Variants in RBM46 observed in about 807,000 individuals in gnomAD.
RBM46 encodes the protein RNA binding motif protein 46.
In RBM46, 12 loss-of-function variants were observed where a neutral mutation model predicts 43.3. The ratio of observed to expected loss-of-function variants is 0.28; its 90% CI spans 0.18 to 0.45. The LOEUF is 0.45. RBM46 is among the 20% of genes least tolerant of loss of function. The probability of loss-of-function intolerance (pLI) is 1.00; values close to 1 mark genes in which losing one functional copy is unlikely to be tolerated. For missense variants in RBM46, 412 were observed against 639.1 expected (o/e 0.64, Z 3.83); for synonymous variants, 205 against 207.6 (o/e 0.99, Z 0.11).
Position 154,828,333 on chromosome 4 carries a change from C to G in RBM46, c.*266C>G. On this transcript the variant is annotated 3_prime_UTR_variant, in exon 5 of 5. Transcript: ENST00000281722. ...CTTTTTAAACTTCTAGGATTTTCTTCTACTTTCTGAGTGGGCAATAGAACC... is the reference window on the plus strand; with the variant it reads ...CTTTTTAAACTTCTAGGATTTTCTTGTACTTTCTGAGTGGGCAATAGAACC... 1 of 328,612 alleles carries G rather than the reference C, an allele frequency of 3.0e-6. No individual in the cohort carries two copies. Among genetic ancestry groups the G allele is most frequent in the Non-Finnish European group, 5.5e-6 (1 of 181,044 alleles). 20.4% of individuals were successfully genotyped at this position (328,612 alleles called of 1,614,324 possible). A position where few individuals can be genotyped will look rare whatever the true frequency, so the allele number is the denominator to read the frequency against.
chr4:154,785,934 T>C (rs1173021725), intron 1 of RBM46, among the ~76,000 whole-genome samples: 1 of 152,194 alleles, frequency 6.6e-6, no homozygotes, highest in Admixed American at 6.5e-5. Flanking sequence ...CTACAAAATA[T>C]TCAGTGATGG....
At chr4:154,784,904 G>A (rs777229542) in intron 1 of RBM46, among the ~76,000 whole-genome samples, 6 of 152,190 alleles carry the variant, frequency 3.9e-5, no homozygotes, top group Admixed American at 6.5e-5. Context: ...TGATTCTGGA[G>A]TATTTTAGAA....
chr4:154,810,190 A>G (rs1735109169), intron 4 of RBM46, among the ~76,000 whole-genome samples: 1 of 152,122 alleles, frequency 6.6e-6, no homozygotes, highest in Non-Finnish European at 1.5e-5. Context: ...AAGCCAGCCA[A>G]GGGTGAGAAC....
rs1440182561 is a variant in RBM46 at position 154,785,712 on chromosome 4, C to T, written c.-12+4276C>T. On this transcript the variant is annotated intron_variant, in intron 1 of 4. Coordinates refer to ENST00000281722, the MANE Select transcript of RBM46 (RefSeq NM_144979.5). The stretch of plus-strand genomic sequence containing the variant: ...TAGTGTAGTGGGCCAGTATGATGTC[C>T]TGTGGGATGTCGAGGCCATTGAAGA... Among the ~76,000 whole-genome samples the T allele has an allele frequency of 2.0e-5, 3 of 152,140 alleles. No individual in the cohort carries two copies. In the East Asian group the frequency reaches 5.8e-4, roughly 29 times the overall value.
chr4:154,804,213 T>C (rs1270384371), intron 4 of RBM46, among the ~76,000 whole-genome samples: 1 of 152,220 alleles, frequency 6.6e-6, no homozygotes, highest in Admixed American at 6.5e-5. Context: ...TTTATAGCAG[T>C]GCAAGAATGA....
intron 4 of RBM46, among the ~76,000 whole-genome samples, chr4:154,822,028 G>A (rs1231997553): frequency 6.6e-6 from 1 of 151,722 alleles, no homozygotes; most frequent in African/African-American, 2.4e-5. Flanking sequence ...TGTAGTTTGG[G>A]AAATACTGAA....
intron 1 of RBM46, among the ~76,000 whole-genome samples, chr4:154,793,759 C>T (rs531806029): frequency 6.6e-6 from 1 of 152,132 alleles, no homozygotes; most frequent in African/African-American, 2.4e-5. Flanking sequence ...AAGCTGGATT[C>T]TCTTGTATTA....
intron 2 of RBM46, 38 bp from the exon 3 acceptor site, chr4:154,797,772 CA>C: frequency 1.5e-6 from 2 of 1,322,380 alleles, no homozygotes; most frequent in Non-Finnish European, 2.1e-6. Context: ...TACAAATATC[CA>C]ATTAGAATTT....
chr4:154,798,416 A>G (rs922848098), intron 3 of RBM46, 138 bp downstream of exon 3: 1 of 613,096 alleles, frequency 1.6e-6, no homozygotes, highest in Non-Finnish European at 2.7e-6. Context: ...GAAGTAAAAT[A>G]AATTACATGA....
intron 4 of RBM46, among the ~76,000 whole-genome samples, chr4:154,810,615 A>C (rs2111177182): frequency 6.6e-6 from 1 of 152,324 alleles, no homozygotes; most frequent in South Asian, 2.1e-4. Context: ...GCTTAATATA[A>C]GTCAGAACTA....
At chr4:154,807,550 C>G (rs1433388116) in intron 4 of RBM46, among the ~76,000 whole-genome samples, 2 of 151,824 alleles carry the variant, frequency 1.3e-5, no homozygotes, top group South Asian at 2.1e-4. Context: ...ATGCTTTTAA[C>G]TACTTTAAAA....
intron 1 of RBM46, among the ~76,000 whole-genome samples, chr4:154,793,354 C>G (rs190246918): frequency 6.6e-6 from 1 of 152,186 alleles, no homozygotes; most frequent in East Asian, 1.9e-4. Context: ...TATACTCTTG[C>G]AGTTATATCT....
rs556449570 is a variant in RBM46 at position 154,820,046 on chromosome 4, T to G, written c.1403-7822T>G. Among the ~76,000 whole-genome samples the G allele has an allele frequency of 5.3e-5, 8 of 152,240 alleles. No individual in the cohort carries two copies. The East Asian group carries it at 1.3e-3, about 26-fold the overall frequency. ...CAGAAATTGGGTGATCTCATTTGTT[T>G]TTAGAGTCTCTTCTTTATCTTAGCA... On this transcript the variant is annotated intron_variant, in intron 4 of 4. Transcript: ENST00000281722.
At chr4:154,789,460 A>G (rs1424996970) in intron 1 of RBM46, among the ~76,000 whole-genome samples, 3 of 152,138 alleles carry the variant, frequency 2.0e-5, no homozygotes, top group Admixed American at 6.5e-5. Flanking sequence ...GGTTCTGTTT[A>G]TATGATGGGT....
intron 1 of RBM46, among the ~76,000 whole-genome samples, chr4:154,782,520 G>GTCTCCCAGGC (rs1281683796): frequency 6.6e-6 from 1 of 152,136 alleles, no homozygotes; most frequent in Non-Finnish European, 1.5e-5. Context: ...GTCTCGCTCT[G>GTCTCCCAGGC]TCTCCCAGGC....
chr4:154,789,290 C>T (rs1733956388), intron 1 of RBM46, among the ~76,000 whole-genome samples: 1 of 152,140 alleles, frequency 6.6e-6, no homozygotes, highest in South Asian at 2.1e-4. Context: ...TTCGCCCATT[C>T]AGTATGATAC....
In RBM46 at chr4:154,812,038, A is replaced by T. The variant is rs183137226; in HGVS notation, c.1402+12474A>T. 5.1e-4 allele frequency among the ~76,000 whole-genome samples: 77 copies of T among 150,272 alleles called. 2 individuals are homozygous for T. Among genetic ancestry groups the T allele is most frequent in the African/African-American group, 1.7e-3 (69 of 40,906 alleles). ...TTTACTTTTTTTTTTTTTTTTTAACAAACAGGCTTCAGTATGTTAAATAAT... is the reference window on the plus strand; with the variant it reads ...TTTACTTTTTTTTTTTTTTTTTAACTAACAGGCTTCAGTATGTTAAATAAT... On this transcript the variant is annotated intron_variant, in intron 4 of 4. Coordinates refer to ENST00000281722, the MANE Select transcript of RBM46 (RefSeq NM_144979.5).
chr4:154,782,968 A>G (rs532164427), intron 1 of RBM46, among the ~76,000 whole-genome samples: 52 of 152,320 alleles, frequency 3.4e-4, no homozygotes, highest in African/African-American at 9.9e-4. Flanking sequence ...ACCACGATGT[A>G]TATACAGTTT....
At chr4:154,809,152 C>G (rs556479623) in intron 4 of RBM46, among the ~76,000 whole-genome samples, 41 of 151,988 alleles carry the variant, frequency 2.7e-4, no homozygotes, top group African/African-American at 9.9e-4. Flanking sequence ...TGTTCTAAAA[C>G]TCACTTTTAT....
Sources: gnomAD v4.1 joint callset for allele counts (sites outside exome capture counted in the v4.1 genomes callset) on GRCh38, gnomAD v4.1.1 for gene constraint, MANE v1.5 for transcripts, NCBI Gene and HGNC (gene_info 2026-07-23, HGNC 2026-07-21) for gene names.